The following KIF20B variants were observed in gnomAD, a reference collection of about 807,000 sequenced individuals.
The protein encoded by KIF20B is kinesin-like protein KIF20B.
A neutral mutation model predicts 232.5 loss-of-function variants in KIF20B; 188 were observed. The observed-to-expected ratio is 0.81, with a 90% CI of 0.72 to 0.91. The LOEUF is 0.91. Ranked by LOEUF, KIF20B falls within the 40% of genes least tolerant of loss-of-function variation. The probability of loss-of-function intolerance (pLI) is 0.00; values close to 1 mark genes in which losing one functional copy is unlikely to be tolerated. For synonymous variants in KIF20B, 712 were observed against 683.0 expected (o/e 1.04, Z -0.66); for missense variants, 2,154 against 2,055.9 (o/e 1.05, Z -0.92).
intron 24 of KIF20B, among the ~76,000 whole-genome samples, chr10:89,751,702 A>T (rs2077946): frequency 6.6e-6 from 1 of 151,690 alleles, no homozygotes; most frequent in Non-Finnish European, 1.5e-5. Flanking sequence ...CTTACGAATT[A>T]TATATTGCAA....
At chr10:89,754,451 G>GT in intron 25 of KIF20B, 67 bp from the exon 26 acceptor site, 1 of 1,028,364 alleles carries the variant, frequency 9.7e-7, no homozygotes, top group Non-Finnish European at 1.3e-6. Context: ...GTATGAAAAT[G>GT]TTATAGAAAC....
intron 13 of KIF20B, among the ~76,000 whole-genome samples, chr10:89,722,303 A>G (rs1357363925): frequency 6.6e-6 from 1 of 152,218 alleles, no homozygotes; most frequent in East Asian, 1.9e-4. Flanking sequence ...GTTTAGCTGT[A>G]ATAGCCAGCC....
intron 14 of KIF20B, among the ~76,000 whole-genome samples, chr10:89,724,472 T>G (rs889532809): frequency 1.3e-5 from 2 of 152,190 alleles, no homozygotes; most frequent in Non-Finnish European, 1.5e-5. Context: ...TAGGTTGCAG[T>G]GAGCTGAGAT....
intron 26 of KIF20B, among the ~76,000 whole-genome samples, chr10:89,756,785 T>C (rs1842127717): frequency 1.3e-5 from 2 of 152,076 alleles, no homozygotes; most frequent in Non-Finnish European, 2.9e-5. Flanking sequence ...CATTTGATTG[T>C]ACCTGACTTC....
At chr10:89,743,476 TA>T (rs1160977883) in intron 21 of KIF20B, among the ~76,000 whole-genome samples, 1 of 152,248 alleles carries the variant, frequency 6.6e-6, no homozygotes, top group Non-Finnish European at 1.5e-5. Context: ...TCTCTCAGAA[TA>T]TCTTTATTGA....
Position 89,726,450 on chromosome 10 carries a change from T to C in KIF20B, c.2159T>C (p.Ile720Thr). ...TACLELKFNQ[I>T]KAELAKTKGE... ...TGTTTAGAACTAAAGTTTAATCAAA[T>C]TAAAGCTGAATTAGCTAAAACCAAA... Residue 720 changes from isoleucine (I) to threonine (T), a missense_variant, in exon 16 of 33, where the codon ATT (isoleucine) becomes ACT (threonine). By Grantham distance (89) the Ile-to-Thr change is moderately conservative. Transcript: ENST00000371728. 1 of 1,607,354 alleles carries C rather than the reference T, an allele frequency of 6.2e-7. No homozygotes were observed. Among genetic ancestry groups the C allele is most frequent in the Non-Finnish European group, 8.5e-7 (1 of 1,176,188 alleles).
chr10:89,759,281 C>T (rs1842191911), intron 27 of KIF20B, among the ~76,000 whole-genome samples: 1 of 151,944 alleles, frequency 6.6e-6, no homozygotes, highest in Non-Finnish European at 1.5e-5. Context: ...TATAAAGATA[C>T]AAATTATTTT....
intron 11 of KIF20B, among the ~76,000 whole-genome samples, chr10:89,718,072 ATT>A (rs1380231309): frequency 6.6e-6 from 1 of 152,222 alleles, no homozygotes; most frequent in Non-Finnish European, 1.5e-5. Context: ...ATTAATTAGC[ATT>A]TTAGGCTGAG....
intron 27 of KIF20B, among the ~76,000 whole-genome samples, chr10:89,759,083 T>C (rs1216084837): frequency 1.3e-5 from 2 of 152,022 alleles, no homozygotes; most frequent in South Asian, 4.1e-4. Flanking sequence ...GATGTAGCAT[T>C]TTCTCCAATA....
chr10:89,722,173 G>A (rs76695680), intron 13 of KIF20B, among the ~76,000 whole-genome samples: 2 of 152,116 alleles, frequency 1.3e-5, no homozygotes, highest in African/African-American at 2.4e-5. Context: ...CTTGCAAAGC[G>A]CTGGGATTAC....
intron 13 of KIF20B, among the ~76,000 whole-genome samples, chr10:89,721,536 G>A (rs1843056518): frequency 6.6e-6 from 1 of 152,120 alleles, no homozygotes; most frequent in South Asian, 2.1e-4. Context: ...TAGGCATGAT[G>A]ATGCACAGGT....
At chr10:89,720,003 A>G (rs796379931) in intron 13 of KIF20B, among the ~76,000 whole-genome samples, 3 of 152,250 alleles carry the variant, frequency 2.0e-5, no homozygotes, top group African/African-American at 7.2e-5. Flanking sequence ...ATTTGAACAT[A>G]TTTTTCTAAG....
At chr10:89,743,064 G>A (rs971358765) in intron 21 of KIF20B, among the ~76,000 whole-genome samples, 3 of 151,998 alleles carry the variant, frequency 2.0e-5, no homozygotes, top group Admixed American at 1.3e-4. Flanking sequence ...GCTCTCTAGC[G>A]AGTGTGAAAA....
In KIF20B at chr10:89,746,023, G is replaced by T; in HGVS notation, c.4096+64G>T. The T allele has an allele frequency of 2.6e-6, 3 of 1,163,222 alleles. No individual in the cohort carries two copies. In the South Asian group the frequency reaches 3.7e-5, roughly 14 times the overall value. 72.1% of individuals were successfully genotyped at this position (1,163,222 alleles called of 1,614,324 possible). The stretch of plus-strand genomic sequence containing the variant: ...CTCTTATTCCCCTCGCAGGGCATGC[G>T]ATGGGGGTATGACTTGCTTCATTGG... On this transcript the variant is annotated intron_variant, in intron 23 of 32. Transcript: ENST00000371728.
chr10:89,710,031 G>A lies in KIF20B; in HGVS notation c.456G>A (p.Gly152=). The part of the protein sequence containing the change: ...KGQSRLIFTY[G]LTNSGKTYTF... ...AGAGTCGTCTGATTTTTACTTACGG[G>A]CTAACCAATTCAGGAAAAACATATA... Residue 152 remains glycine, a synonymous_variant, in exon 5 of 33, where the codon GGG becomes GGA. Transcript: ENST00000371728. The A allele has an allele frequency of 6.2e-7, 1 of 1,608,794 alleles. No individual in the cohort carries two copies. The highest frequency in any genetic ancestry group is 8.5e-7 in the Non-Finnish European group (1 of 1,177,676).
At chr10:89,703,388 A>G (rs950102072) in intron 1 of KIF20B, among the ~76,000 whole-genome samples, 7 of 152,202 alleles carry the variant, frequency 4.6e-5, no homozygotes, top group African/African-American at 1.4e-4. Flanking sequence ...TTTTGACAGG[A>G]TTGTAGGCAA....
chr10:89,710,217 T>C, intron 5 of KIF20B, 152 bp downstream of exon 5: 1 of 340,970 alleles, frequency 2.9e-6, no homozygotes, highest in East Asian at 5.1e-5. Context: ...GTATTGCTGT[T>C]TTTTTTTTTT....
rs369126726 is a variant in KIF20B at position 89,729,123 on chromosome 10, C to G, written c.2272-5C>G. On this transcript the variant is annotated splice_polypyrimidine_tract_variant and splice_region_variant and intron_variant, in intron 17 of 32. Transcript: ENST00000371728. ...ATGAAACATTGCTTTTTCTTCTTTC[C>G]AAAGAAAATAATTACACAGAATCAA... is the stretch of plus-strand genomic sequence containing the variant. 7.2e-7 allele frequency: 1 copy of G among 1,383,484 alleles called. No individual in the cohort carries two copies. Among genetic ancestry groups the G allele is most frequent in the African/African-American group, 1.5e-5 (1 of 66,116 alleles). The allele number at this position is 1,383,484 out of a possible 1,614,324, so 85.7% of individuals were successfully genotyped here.
At chr10:89,749,454 G>C (rs536653889) in intron 23 of KIF20B, among the ~76,000 whole-genome samples, 1 of 152,140 alleles carries the variant, frequency 6.6e-6, no homozygotes, top group Non-Finnish European at 1.5e-5. Context: ...TCACAAAATT[G>C]TACAACCATC....
Sources: gnomAD v4.1 joint callset for allele counts (sites outside exome capture counted in the v4.1 genomes callset) on GRCh38, gnomAD v4.1.1 for gene constraint, MANE v1.5 for transcripts, NCBI Gene and HGNC (gene_info 2026-07-23, HGNC 2026-07-21) for gene names.